The following CDKAL1 variants were observed in gnomAD, a reference collection of about 807,000 sequenced individuals.
The protein encoded by CDKAL1 is threonylcarbamoyladenosine tRNA methylthiotransferase.
A neutral mutation model predicts 68.2 loss-of-function variants in CDKAL1; 32 were observed. That is an observed-to-expected ratio of 0.47 (90% CI 0.35 to 0.63). The LOEUF (loss-of-function observed/expected upper bound fraction) is 0.63. CDKAL1 is among the 30% of genes least tolerant of loss of function. The pLI is 0.00. For missense variants in CDKAL1, 606 were observed against 696.7 expected (o/e 0.87, Z 1.47); for synonymous variants, 234 against 244.3 (o/e 0.96, Z 0.39).
chr6:20,718,735 A>T (rs1483248899), intron 5 of CDKAL1, among the ~76,000 whole-genome samples: 1 of 152,174 alleles, frequency 6.6e-6, no homozygotes, highest in East Asian at 1.9e-4. Context: ...ATTCTGCTGG[A>T]GATTAGCATC....
intron 4 of CDKAL1, among the ~76,000 whole-genome samples, chr6:20,562,603 A>G (rs893462876): frequency 2.6e-5 from 4 of 152,012 alleles, no homozygotes; most frequent in South Asian, 4.2e-4. Flanking sequence ...TTAATCGGCT[A>G]TGGTGGTGGG....
chr6:20,990,708 G>A (rs187464956), intron 10 of CDKAL1, among the ~76,000 whole-genome samples: 1 of 152,324 alleles, frequency 6.6e-6, no homozygotes, highest in Non-Finnish European at 1.5e-5. Context: ...ACAGATACTG[G>A]TAATTTACTT....
chr6:20,759,006 G>A (rs1339228932), intron 7 of CDKAL1, among the ~76,000 whole-genome samples: 4 of 152,058 alleles, frequency 2.6e-5, no homozygotes, highest in South Asian at 2.1e-4. Flanking sequence ...TGATGCTGTG[G>A]TGTGCACCTG....
At chr6:20,844,705 GAA>G (rs869308386) in intron 8 of CDKAL1, among the ~76,000 whole-genome samples, 1 of 91,296 alleles carries the variant, frequency 1.1e-5, no homozygotes, top group African/African-American at 3.1e-5. Context: ...AAAAGAAACA[GAA>G]AAACAAAAAC....
chr6:21,169,205 C>T (rs1447455095), intron 13 of CDKAL1, among the ~76,000 whole-genome samples: 4 of 152,284 alleles, frequency 2.6e-5, no homozygotes, highest in East Asian at 1.9e-4. Flanking sequence ...TAAATACACA[C>T]GAGCAGATAT....
chr6:20,760,442 A>G (rs559487324), intron 7 of CDKAL1, among the ~76,000 whole-genome samples: 5 of 152,334 alleles, frequency 3.3e-5, no homozygotes, highest in Admixed American at 2.0e-4. Flanking sequence ...CACTATGTTA[A>G]ACACTTCACA....
chr6:20,642,754 A>G (rs1230184415), intron 4 of CDKAL1, among the ~76,000 whole-genome samples: 2 of 152,144 alleles, frequency 1.3e-5, no homozygotes, highest in Non-Finnish European at 2.9e-5. Context: ...CCACATTCCC[A>G]CCTTTTTGGA....
chr6:21,095,750 G>A (rs1239571693), intron 12 of CDKAL1, among the ~76,000 whole-genome samples: 1 of 152,174 alleles, frequency 6.6e-6, no homozygotes, highest in African/African-American at 2.4e-5. Context: ...ACATAAAGAC[G>A]AGAGAATGGA....
At chr6:20,627,546 C>T (rs2223620) in intron 4 of CDKAL1, among the ~76,000 whole-genome samples, 43,980 of 151,916 alleles carry the variant, frequency 0.29, 6,472 homozygotes, top group Middle Eastern at 0.37. Flanking sequence ...TATTCTTTTC[C>T]GAATTGTTTT....
chr6:21,221,900 T>A (rs1458252435), intron 15 of CDKAL1, among the ~76,000 whole-genome samples: 1 of 152,220 alleles, frequency 6.6e-6, no homozygotes, highest in Non-Finnish European at 1.5e-5. Flanking sequence ...GATGGGCAGA[T>A]GCCAAGCTTT....
intron 8 of CDKAL1, 37 bp from the exon 9 acceptor site, chr6:20,846,037 AG>A: frequency 7.5e-7 from 1 of 1,324,554 alleles, no homozygotes; most frequent in Non-Finnish European, 1.1e-6. Context: ...TGCTATCTTT[AG>A]AAATTTGAGT....
chr6:20,651,977 A>G (rs933183125), intron 5 of CDKAL1, among the ~76,000 whole-genome samples: 1 of 152,198 alleles, frequency 6.6e-6, no homozygotes, highest in African/African-American at 2.4e-5. Context: ...GGATTTTTGC[A>G]TTGATGTTCA....
chr6:20,596,516 C>G (rs1175555978), intron 4 of CDKAL1, among the ~76,000 whole-genome samples: 1 of 152,218 alleles, frequency 6.6e-6, no homozygotes, highest in Non-Finnish European at 1.5e-5. Context: ...CCTCCCCACA[C>G]CAAGCTTGAG....
At chr6:20,994,708 A>T (rs1481611702) in intron 10 of CDKAL1, among the ~76,000 whole-genome samples, 1 of 152,228 alleles carries the variant, frequency 6.6e-6, no homozygotes, top group African/African-American at 2.4e-5. Context: ...AGTTATGTTT[A>T]TACTATATTA....
At chr6:20,634,099 T>C (rs1767792092) in intron 4 of CDKAL1, among the ~76,000 whole-genome samples, 1 of 152,216 alleles carries the variant, frequency 6.6e-6, no homozygotes, top group South Asian at 2.1e-4. Flanking sequence ...ACTTGTGTTA[T>C]TGATTTGTGC....
intron 2 of CDKAL1, among the ~76,000 whole-genome samples, chr6:20,541,556 G>A (rs1184547129): frequency 6.6e-6 from 1 of 152,170 alleles, no homozygotes; most frequent in Non-Finnish European, 1.5e-5. Context: ...GGCTTCTCAT[G>A]ACTGACCTTG....
At chr6:20,927,462 T>C (rs1391052869) in intron 9 of CDKAL1, among the ~76,000 whole-genome samples, 1 of 152,172 alleles carries the variant, frequency 6.6e-6, no homozygotes, top group Non-Finnish European at 1.5e-5. Context: ...AACAAAACCG[T>C]TTACAGTTGT....
At chr6:20,665,082 A>T (rs534882242) in intron 5 of CDKAL1, among the ~76,000 whole-genome samples, 1 of 152,140 alleles carries the variant, frequency 6.6e-6, no homozygotes, top group South Asian at 2.1e-4. Flanking sequence ...TGGGGGAGTG[A>T]TCTTATCTGT....
chr6:20,742,153 G>C (rs137889720), intron 6 of CDKAL1, among the ~76,000 whole-genome samples: 2,190 of 152,054 alleles, frequency 0.014, 21 homozygotes, highest in Admixed American at 0.025. Flanking sequence ...TTTTAATAGG[G>C]CTGTTTGTTT....
Sources: allele counts gnomAD v4.1 joint callset (sites outside exome capture counted in the v4.1 genomes callset), GRCh38; gene constraint gnomAD v4.1.1; transcripts MANE v1.5; gene names NCBI Gene and HGNC (gene_info 2026-07-23, HGNC 2026-07-21).